The following TUFT1 variants were observed in gnomAD, a reference collection of about 807,000 sequenced individuals.
The protein encoded by TUFT1 is tuftelin.
TUFT1 carries 43 observed loss-of-function variants against 57.8 expected under a neutral mutation model. That is an observed-to-expected ratio of 0.74 (90% CI 0.58 to 0.96). TUFT1 has a LOEUF of 0.96. Ranked by LOEUF, TUFT1 falls within the 40% of genes least tolerant of loss-of-function variation. The probability of loss-of-function intolerance (pLI) is 0.00; values close to 1 mark genes in which losing one functional copy is unlikely to be tolerated. For synonymous variants in TUFT1, 166 were observed against 176.7 expected (o/e 0.94, Z 0.48); for missense variants, 459 against 489.0 (o/e 0.94, Z 0.58).
In TUFT1 at chr1:151,582,412, A is replaced by G. The variant is rs979243573; in HGVS notation, c.*705A>G. 2.8e-5 allele frequency: 10 copies of G among 351,944 alleles called. No homozygotes were observed. The highest frequency in any genetic ancestry group is 2.1e-4 in the African/African-American group (10 of 46,638). The allele number at this position is 351,944 out of a possible 1,614,324, so 21.8% of individuals were successfully genotyped here. On this transcript the variant is annotated 3_prime_UTR_variant, in exon 13 of 13. Transcript: ENST00000368849. ...TTCTCTCTGCTGTGAAAACTCCCAG[A>G]GTCTCTTTAGGGATTTTCCCTAAGG...
At chr1:151,575,844 C>A (rs1666443673) in intron 9 of TUFT1, among the ~76,000 whole-genome samples, 1 of 152,198 alleles carries the variant, frequency 6.6e-6, no homozygotes, top group Admixed American at 6.5e-5. Flanking sequence ...GCCCCTCAGT[C>A]TTGGAGGCAT....
chr1:151,578,086 C>T (rs1307778633), intron 9 of TUFT1, among the ~76,000 whole-genome samples: 4 of 151,948 alleles, frequency 2.6e-5, no homozygotes, highest in African/African-American at 7.2e-5. Context: ...TGAATCTTTC[C>T]AGTAACGAGG....
chr1:151,574,166 C>T, intron 7 of TUFT1, 104 bp from the exon 8 acceptor site: 3 of 1,452,526 alleles, frequency 2.1e-6, no homozygotes, highest in Non-Finnish European at 2.8e-6. Context: ...TTTCTCCCGT[C>T]ATGGCTCCAG....
At chr1:151,555,463 CTTTT>C (rs397981559) in intron 1 of TUFT1, among the ~76,000 whole-genome samples, 1 of 141,756 alleles carries the variant, frequency 7.1e-6, no homozygotes, top group Admixed American at 7.1e-5. Flanking sequence ...ATATTAATTC[CTTTT>C]TTTTTTTTTT....
chr1:151,541,184 T>G (rs184375901), intron 1 of TUFT1, among the ~76,000 whole-genome samples: 1,629 of 152,150 alleles, frequency 0.011, 14 homozygotes, highest in Non-Finnish European at 0.018. Flanking sequence ...AGGAAGGGGA[T>G]GCAGAACCCG....
chr1:151,546,345 G>T (rs1302740038), intron 1 of TUFT1, among the ~76,000 whole-genome samples: 2 of 152,092 alleles, frequency 1.3e-5, no homozygotes, highest in Non-Finnish European at 2.9e-5. Context: ...GCCTTACCAT[G>T]AGCTTCATAT....
intron 6 of TUFT1, among the ~76,000 whole-genome samples, chr1:151,567,537 A>ATGAC (rs1299583860): frequency 6.6e-6 from 1 of 151,996 alleles, no homozygotes; most frequent in Non-Finnish European, 1.5e-5. Context: ...CTTGGCCTCC[A>ATGAC]TGACTGTACT....
In TUFT1 at chr1:151,568,922, A is replaced by G. The variant is rs984308950; in HGVS notation, c.481-735A>G. 5.9e-5 allele frequency among the ~76,000 whole-genome samples: 9 copies of G among 152,300 alleles called. No individual in the cohort carries two copies. The South Asian group carries it at 1.7e-3, about 28-fold the overall frequency. ...AAGGCCCACAGGACTTCACTTCTTC[A>G]TTATCACCCACAGGATGATGATGCA... On this transcript the variant is annotated intron_variant, in intron 6 of 12. Coordinates refer to ENST00000368849, the MANE Select transcript of TUFT1 (RefSeq NM_020127.3).
intron 1 of TUFT1, chr1:151,557,841 G>T: frequency 2.7e-6 from 2 of 744,606 alleles, no homozygotes; most frequent in South Asian, 2.7e-5. Context: ...GTGCTGTGCC[G>T]CCTGGTGCCG....
intron 6 of TUFT1, among the ~76,000 whole-genome samples, chr1:151,567,080 T>C (rs778230901): frequency 6.6e-6 from 1 of 152,166 alleles, no homozygotes; most frequent in East Asian, 1.9e-4. Flanking sequence ...CCATTATGCC[T>C]GGCTAATTTT....
rs1005917299 is a variant in TUFT1, at chr1:151,581,995, C to T, written c.*288C>T. ...AGTGACTATTTTTCTCTGTAGAGAG[C>T]CTCCCTTCTGTTGTAGACTGGACTC... On this transcript the variant is annotated 3_prime_UTR_variant, in exon 13 of 13. Coordinates refer to ENST00000368849, the MANE Select transcript of TUFT1 (RefSeq NM_020127.3). The T allele has an allele frequency of 1.9e-6, 1 of 527,562 alleles. No individual in the cohort carries two copies. Among genetic ancestry groups the T allele is most frequent in the Non-Finnish European group, 3.2e-6 (1 of 309,258 alleles). The allele number at this position is 527,562 out of a possible 1,614,324, so 32.7% of individuals were successfully genotyped here. A position where few individuals can be genotyped will look rare whatever the true frequency, so the allele number is the denominator to read the frequency against.
intron 1 of TUFT1, among the ~76,000 whole-genome samples, chr1:151,548,543 C>T (rs571104098): frequency 2.6e-4 from 39 of 152,206 alleles, no homozygotes; most frequent in Admixed American, 5.2e-4. Context: ...CCTCGTGATT[C>T]GCCTGCCTTG....
intron 5 of TUFT1, 164 bp downstream of exon 5, chr1:151,564,778 G>T (rs1666010567): frequency 3.3e-6 from 2 of 599,252 alleles, no homozygotes; most frequent in East Asian, 5.7e-5. Context: ...AATCTGGTTA[G>T]GACTCTCCAG....
intron 1 of TUFT1, among the ~76,000 whole-genome samples, chr1:151,560,975 T>TGC (rs899718586): frequency 4.6e-5 from 7 of 150,894 alleles, no homozygotes; most frequent in African/African-American, 1.5e-4. Context: ...TGTGTGTGTG[T>TGC]GTGTGTGTGT....
chr1:151,554,413 T>C (rs1187187228), intron 1 of TUFT1, among the ~76,000 whole-genome samples: 1 of 152,248 alleles, frequency 6.6e-6, no homozygotes, highest in Non-Finnish European at 1.5e-5. Flanking sequence ...TATTTTATTG[T>C]TATTGAGACA....
intron 1 of TUFT1, among the ~76,000 whole-genome samples, chr1:151,545,516 T>C (rs1376055268): frequency 6.6e-6 from 1 of 152,194 alleles, no homozygotes; most frequent in Non-Finnish European, 1.5e-5. Context: ...ACATAAAATA[T>C]GAAGCACAGT....
At chr1:151,581,192 T>C in intron 12 of TUFT1, 150 bp downstream of exon 12, 2 of 737,290 alleles carry the variant, frequency 2.7e-6, no homozygotes, top group Non-Finnish European at 4.4e-6. Flanking sequence ...GCCGGAACCA[T>C]TTTCTAGCCC....
At chr1:151,581,537 A>G in intron 12 of TUFT1, 107 bp from the exon 13 acceptor site, 2 of 1,039,288 alleles carry the variant, frequency 1.9e-6, no homozygotes, top group Non-Finnish European at 2.9e-6. Flanking sequence ...CCAGCACTGC[A>G]GTGTAAGATT....
chr1:151,553,626 T>C (rs1204345013), intron 1 of TUFT1, among the ~76,000 whole-genome samples: 1 of 152,082 alleles, frequency 6.6e-6, no homozygotes, highest in Non-Finnish European at 1.5e-5. Context: ...CATTTTGGGG[T>C]ATCATATTCT....
Sources: allele counts gnomAD v4.1 joint callset (sites outside exome capture counted in the v4.1 genomes callset), GRCh38; gene constraint gnomAD v4.1.1; transcripts MANE v1.5; gene names NCBI Gene and HGNC (gene_info 2026-07-23, HGNC 2026-07-21).